LBR: variants seen among roughly 807,000 people sequenced by gnomAD.
LBR encodes the protein delta(14)-sterol reductase LBR.
A neutral mutation model predicts 74.3 loss-of-function variants in LBR; 28 were observed. The ratio of observed to expected loss-of-function variants is 0.38; its 90% CI spans 0.28 to 0.52. The LOEUF (loss-of-function observed/expected upper bound fraction) is 0.52, where lower values mean the gene tolerates loss of function less well. Ranked by LOEUF, LBR falls within the 20% of genes least tolerant of loss-of-function variation. The probability of loss-of-function intolerance (pLI) is 0.89; values close to 1 mark genes in which losing one functional copy is unlikely to be tolerated. For missense variants in LBR, 717 were observed against 760.3 expected, an observed-to-expected ratio of 0.94 and a Z score of 0.67; for synonymous variants, 228 against 269.3, an observed-to-expected ratio of 0.85 and a Z score of 1.50.
intron 1 of LBR, chr1:225,427,386 T>C (rs1389768247): frequency 1.3e-5 from 2 of 152,378 alleles, no homozygotes; most frequent in Non-Finnish European, 1.5e-5. Context: ...CGAGCAGCCA[T>C]GCAGTGTGCC....
chr1:225,423,753 T>C (rs1222627689), intron 2 of LBR, among the ~76,000 whole-genome samples, 158 bp downstream of exon 2: 2 of 152,196 alleles, frequency 1.3e-5, no homozygotes, highest in Admixed American at 6.5e-5. Context: ...GCCTCATTCA[T>C]ACATTCCCAG....
At chr1:225,414,236 C>T in intron 7 of LBR, 1 of 432,868 alleles carries the variant, frequency 2.3e-6, no homozygotes, top group Non-Finnish European at 4.7e-6. Flanking sequence ...CACTAAAAGG[C>T]AGAAGGTGTC....
intron 11 of LBR, among the ~76,000 whole-genome samples, chr1:225,405,373 G>A (rs964100008): frequency 6.6e-6 from 1 of 152,220 alleles, no homozygotes; most frequent in Non-Finnish European, 1.5e-5. Context: ...GTTCTCCAAA[G>A]TTCACGTGTT....
At chr1:225,414,078 G>C (rs554568299) in intron 7 of LBR, 40 of 456,756 alleles carry the variant, frequency 8.8e-5, no homozygotes, top group African/African-American at 8.0e-4. Flanking sequence ...ACCAGAGGGA[G>C]GGAGGGTGCC....
intron 2 of LBR, chr1:225,422,494 T>C: frequency 1.7e-6 from 1 of 576,360 alleles, no homozygotes; most frequent in South Asian, 2.0e-5. Flanking sequence ...TTTCCATTCC[T>C]GTTCTTTGAA....
intron 6 of LBR, among the ~76,000 whole-genome samples, chr1:225,415,797 A>G (rs1406361189): frequency 6.6e-6 from 1 of 152,248 alleles, no homozygotes; most frequent in East Asian, 1.9e-4. Flanking sequence ...ACTATGACCC[A>G]AGTGCTATTT....
At chr1:225,424,317 A>C (rs1014850035) in intron 1 of LBR, among the ~76,000 whole-genome samples, 6 of 152,236 alleles carry the variant, frequency 3.9e-5, no homozygotes, top group Non-Finnish European at 7.3e-5. Flanking sequence ...TATAGGCGCC[A>C]TAAGTTCACA....
At chr1:225,415,847 T>TTA (rs1038064619) in intron 6 of LBR, among the ~76,000 whole-genome samples, 4 of 152,046 alleles carry the variant, frequency 2.6e-5, no homozygotes, top group Non-Finnish European at 4.4e-5. Context: ...CTGCTATATA[T>TTA]TATATATATA....
intron 1 of LBR, among the ~76,000 whole-genome samples, chr1:225,425,788 G>A (rs981610614): frequency 2.6e-5 from 4 of 151,898 alleles, no homozygotes; most frequent in African/African-American, 9.7e-5. Context: ...GTTAAAAGAA[G>A]GCAATTATGT....
Position 225,403,029 on chromosome 1 carries a change from T to C in LBR, c.*274A>G. On this transcript the variant is annotated 3_prime_UTR_variant, in exon 14 of 14. Transcript: ENST00000272163. Reference sequence around the variant, plus strand: ...TCACAGTACATTTATATTAAGACTGTCTTCTGTTTTCAGATTAAGGGTTGA... The same window carrying C: ...TCACAGTACATTTATATTAAGACTGCCTTCTGTTTTCAGATTAAGGGTTGA... The C allele has an allele frequency of 4.5e-6, 2 of 440,418 alleles. No homozygotes were observed. The highest frequency in any genetic ancestry group is 8.2e-6 in the Non-Finnish European group (2 of 242,604). The allele number at this position is 440,418 out of a possible 1,614,324, so 27.3% of individuals were successfully genotyped here. A position where few individuals can be genotyped will look rare whatever the true frequency, so the allele number is the denominator to read the frequency against.
intron 13 of LBR, 115 bp from the exon 14 acceptor site, chr1:225,403,578 T>C: frequency 7.7e-6 from 6 of 778,442 alleles, no homozygotes; most frequent in Non-Finnish European, 1.3e-5. Flanking sequence ...TCATTTTCTC[T>C]AATAATGATG....
chr1:225,411,037 G>C (rs2096104186), intron 9 of LBR, among the ~76,000 whole-genome samples: 2 of 152,086 alleles, frequency 1.3e-5, no homozygotes, highest in South Asian at 4.1e-4. Flanking sequence ...AATTTAAAAA[G>C]GAGGAAAATG....
intron 3 of LBR, among the ~76,000 whole-genome samples, chr1:225,420,450 A>C (rs1176294747): frequency 1.3e-5 from 2 of 152,200 alleles, no homozygotes; most frequent in Non-Finnish European, 2.9e-5. Context: ...ATAAAAAACA[A>C]AAGACATTCA....
rs755810631 is a variant in LBR, at chr1:225,423,957, T to C, written c.119A>G (p.Lys40Arg). 1.9e-6 allele frequency: 3 copies of C among 1,613,884 alleles called. No individual in the cohort carries two copies. Among genetic ancestry groups the C allele is most frequent in the African/African-American group, 1.3e-5 (1 of 74,928 alleles). Residue 40 changes from lysine to arginine, a missense_variant, in exon 2 of 14, where the codon AAG becomes AGG. By Grantham distance (26) the Lys-to-Arg change is conservative. Coordinates refer to ENST00000272163, the MANE Select transcript of LBR (RefSeq NM_002296.4). Reference sequence around the variant, plus strand: ...TTCAAGCTCTGTTCCATCTTTATACTTCACAGTGTAAAGCTGGGAGGTGCT... The same window carrying C: ...TTCAAGCTCTGTTCCATCTTTATACCTCACAGTGTAAAGCTGGGAGGTGCT... Reference protein sequence around the residue: ...HDSTSQLYTVKYKDGTELELK... With the variant: ...HDSTSQLYTVRYKDGTELELK...
At chr1:225,428,306 G>T (rs962815659), upstream of LBR, among the ~76,000 whole-genome samples, 1 of 152,130 alleles carries the variant, frequency 6.6e-6, no homozygotes, top group African/African-American at 2.4e-5. Flanking sequence ...CCCGGAGCGC[G>T]ACGTTTGCCA....
intron 1 of LBR, among the ~76,000 whole-genome samples, chr1:225,424,962 G>A (rs748516207): frequency 3.3e-5 from 5 of 152,158 alleles, no homozygotes; most frequent in African/African-American, 4.8e-5. Context: ...CAGGGCTGCC[G>A]ACCTTCCCCA....
At chr1:225,419,184 A>G in intron 5 of LBR, 79 bp downstream of exon 5, 2 of 1,328,346 alleles carry the variant, frequency 1.5e-6, no homozygotes, top group Non-Finnish European at 2.2e-6. Flanking sequence ...GTCTTCAGAG[A>G]GGCCTTTCCA....
intron 10 of LBR, among the ~76,000 whole-genome samples, chr1:225,409,164 T>TC (rs869253892): frequency 2.0e-4 from 28 of 138,476 alleles, no homozygotes; most frequent in Admixed American, 9.0e-4. Flanking sequence ...TAAAGTCAAT[T>TC]TGAAGTGTTA....
chr1:225,422,290 A>G lies in LBR; in HGVS notation c.166-13T>C. The G allele has an allele frequency of 6.2e-7, 1 of 1,603,898 alleles. No homozygotes were observed. Among genetic ancestry groups the G allele is most frequent in the Non-Finnish European group, 8.5e-7 (1 of 1,172,574 alleles). On this transcript the variant is annotated splice_polypyrimidine_tract_variant and intron_variant, in intron 2 of 13. Coordinates refer to ENST00000272163, the MANE Select transcript of LBR (RefSeq NM_002296.4). ...AGGAAGTTAAAGGCTAGAAAGGGGG[A>G]AGAAGGCAAAGAGCTTTACCACAAA...
Sources: gnomAD v4.1 joint callset for allele counts (sites outside exome capture counted in the v4.1 genomes callset) on GRCh38, gnomAD v4.1.1 for gene constraint, MANE v1.5 for transcripts, NCBI Gene and HGNC (gene_info 2026-07-23, HGNC 2026-07-21) for gene names.